MPRIP: variants seen among roughly 807,000 people sequenced by gnomAD.
MPRIP encodes the protein myosin phosphatase Rho-interacting protein.
In MPRIP, 59 loss-of-function variants were observed where a neutral mutation model predicts 234.9. The observed-to-expected ratio is 0.25, with a 90% CI of 0.20 to 0.31. The LOEUF (loss-of-function observed/expected upper bound fraction) is 0.31, where lower values mean the gene tolerates loss of function less well. MPRIP is among the 10% of genes least tolerant of loss of function. The probability of loss-of-function intolerance (pLI) is 1.00; values close to 1 mark genes in which losing one functional copy is unlikely to be tolerated. For synonymous variants in MPRIP, 1,144 were observed against 1,263.9 expected (o/e 0.91, Z 2.01); for missense variants, 2,436 against 3,071.0 (o/e 0.79, Z 4.89).
chr17:17,189,828 C>A lies in MPRIP; in HGVS notation c.*4934C>A, dbSNP rs2046551507. On this transcript the variant is annotated 3_prime_UTR_variant, in exon 24 of 24. Coordinates refer to ENST00000651222, the MANE Select transcript of MPRIP (RefSeq NM_001364716.4). ...CAGAGACAACGTTTCGTTTCCCCTT[C>A]CCTGCAAGCTGGGATCAGCCCTGTG... The A allele has an allele frequency of 6.6e-6, 1 of 152,270 alleles. No homozygotes were observed. Among genetic ancestry groups the A allele is most frequent in the South Asian group, 2.1e-4 (1 of 4,834 alleles). The allele number at this position is 152,270 out of a possible 1,614,324, so 9.4% of individuals were successfully genotyped here. A position where few individuals can be genotyped will look rare whatever the true frequency, so the allele number is the denominator to read the frequency against.
rs550007995 is a variant in MPRIP at position 17,047,488 on chromosome 17, C to T, written c.123+4517C>T. On this transcript the variant is annotated intron_variant, in intron 1 of 23. Coordinates refer to ENST00000651222, the MANE Select transcript of MPRIP (RefSeq NM_001364716.4). ...ATATTCTTTTATAGCTATTTTTATA[C>T]TTAGCTTTTTAATCTATCAGACTTG... is the stretch of plus-strand genomic sequence containing the variant. 5.9e-5 allele frequency among the ~76,000 whole-genome samples: 9 copies of T among 152,048 alleles called. No homozygotes were observed. In the South Asian group the frequency reaches 1.0e-3, roughly 18 times the overall value.
chr17:17,150,629 T>C (rs1160704218), intron 12 of MPRIP, among the ~76,000 whole-genome samples: 3 of 151,536 alleles, frequency 2.0e-5, no homozygotes, highest in African/African-American at 7.3e-5. Flanking sequence ...TTCATTCATT[T>C]ACTTACAAGG....
chr17:17,057,928 T>A, intron 1 of MPRIP: 1 of 505,196 alleles, frequency 2.0e-6, no homozygotes, highest in Non-Finnish European at 3.5e-6. Context: ...TAAATCTAAA[T>A]AATAAAAATG....
At chr17:17,070,041 G>C (rs1202043861) in intron 1 of MPRIP, among the ~76,000 whole-genome samples, 1 of 152,142 alleles carries the variant, frequency 6.6e-6, no homozygotes, top group Non-Finnish European at 1.5e-5. Flanking sequence ...AGGTTGACAG[G>C]TGTTTTCTTT....
Position 17,137,657 on chromosome 17 carries a change from CCTGCCTGCCAGT to C in MPRIP, c.737-255_737-244del, listed in dbSNP as rs767937278. Among the ~76,000 whole-genome samples the C allele has an allele frequency of 4.5e-3, 678 of 151,412 alleles. 2 individuals are homozygous for C. Among genetic ancestry groups the C allele is most frequent in the Non-Finnish European group, 8.0e-3 (544 of 68,006 alleles). On this transcript the variant is annotated intron_variant, in intron 6 of 23. Transcript: ENST00000651222. ...AAGCCCCCAGACTAGAACTGCAGGG[CCTGCCTGCCAGT>C]CTGGCTGAGAGGCAGCCAGCTGCAG...
At chr17:17,154,648 T>C (rs767747189) in intron 13 of MPRIP, among the ~76,000 whole-genome samples, 7 of 152,228 alleles carry the variant, frequency 4.6e-5, no homozygotes, top group Non-Finnish European at 1.0e-4. Context: ...GCAGGTAGCA[T>C]GTGTGCTGGT....
Position 17,043,041 on chromosome 17 carries a change from A to T in MPRIP, c.123+70A>T, listed in dbSNP as rs570402665. 8.3e-6 allele frequency: 12 copies of T among 1,445,524 alleles called. No individual in the cohort carries two copies. The African/African-American group carries it at 1.6e-4, about 19-fold the overall frequency. The allele number at this position is 1,445,524 out of a possible 1,614,324, so 89.5% of individuals were successfully genotyped here. On this transcript the variant is annotated intron_variant, in intron 1 of 23. Coordinates refer to ENST00000651222, the MANE Select transcript of MPRIP (RefSeq NM_001364716.4). ...CGGGTCGGCGGCCGGGGCGCCGCCA[A>T]GGGCTGCAGGGAAAATAAAAATGGA... is the stretch of plus-strand genomic sequence containing the variant.
intron 1 of MPRIP, among the ~76,000 whole-genome samples, chr17:17,050,238 C>T (rs537633077): frequency 7.4e-4 from 112 of 150,866 alleles, no homozygotes; most frequent in Middle Eastern, 6.8e-3. Flanking sequence ...TGGTGTGAAC[C>T]CGGGAGGCGG....
chr17:17,059,780 C>T (rs1037139320), intron 1 of MPRIP, among the ~76,000 whole-genome samples: 3 of 152,208 alleles, frequency 2.0e-5, no homozygotes, highest in Non-Finnish European at 2.9e-5. Context: ...CCATAGAGAG[C>T]AGCAGAATGT....
chr17:17,175,441 C>T (rs1426798610), intron 20 of MPRIP, 29 bp downstream of exon 20: 2 of 1,573,614 alleles, frequency 1.3e-6, no homozygotes, highest in Non-Finnish European at 8.6e-7. Context: ...CCCTGCCTGA[C>T]TCAGCTCTGC....
At chr17:17,101,305 C>T (rs897289638) in intron 3 of MPRIP, among the ~76,000 whole-genome samples, 6 of 152,254 alleles carry the variant, frequency 3.9e-5, no homozygotes, top group Admixed American at 3.9e-4. Flanking sequence ...GTGGCCCACA[C>T]CTGTAATCCC....
At chr17:17,071,479 C>G (rs953697194) in intron 1 of MPRIP, among the ~76,000 whole-genome samples, 3 of 152,164 alleles carry the variant, frequency 2.0e-5, no homozygotes, top group African/African-American at 7.2e-5. Flanking sequence ...CTCCACCTTT[C>G]AGAGTCTTCT....
chr17:17,174,114 G>C (rs775768042), intron 19 of MPRIP, 39 bp downstream of exon 19: 5 of 1,606,202 alleles, frequency 3.1e-6, no homozygotes, highest in Non-Finnish European at 4.3e-6. Context: ...TTAGTCAGGG[G>C]CACTCAAGGT....
intron 1 of MPRIP, among the ~76,000 whole-genome samples, chr17:17,046,360 A>G (rs1291920686): frequency 6.6e-6 from 1 of 152,148 alleles, no homozygotes; most frequent in East Asian, 1.9e-4. Flanking sequence ...AGTCTTATAA[A>G]TACTTCTGGG....
chr17:17,069,396 G>A (rs1444931697), intron 1 of MPRIP, among the ~76,000 whole-genome samples: 1 of 150,952 alleles, frequency 6.6e-6, no homozygotes, highest in African/African-American at 2.4e-5. Context: ...TTTAATTGGT[G>A]TATTTAGATC....
rs764043253 is a variant in MPRIP, at chr17:17,165,629, A to G, written c.4038A>G (p.Thr1346=). 1.6e-5 allele frequency: 21 copies of G among 1,304,820 alleles called. No homozygotes were observed. Among genetic ancestry groups the G allele is most frequent in the Middle Eastern group, 2.1e-4 (1 of 4,724 alleles). The allele number at this position is 1,304,820 out of a possible 1,614,324, so 80.8% of individuals were successfully genotyped here. A position where few individuals can be genotyped will look rare whatever the true frequency, so the allele number is the denominator to read the frequency against. Residue 1346 remains threonine, a synonymous_variant, in exon 16 of 24, where the codon ACA becomes ACG. Transcript: ENST00000651222. ...EGSEKTWTSS[T]SSDTSQDRSP... The stretch of plus-strand genomic sequence containing the variant: ...CTGAGAAGACCTGGACCAGCAGCAC[A>G]TCTTCCGACACCAGCCAGGACCGGT...
At chr17:17,114,328 A>G (rs1452804018) in intron 3 of MPRIP, among the ~76,000 whole-genome samples, 4 of 152,062 alleles carry the variant, frequency 2.6e-5, no homozygotes, top group East Asian at 3.9e-4. Flanking sequence ...TTTGTCAGAT[A>G]TATGATTTGC....
At chr17:17,074,939 A>G (rs2089292652) in intron 1 of MPRIP, among the ~76,000 whole-genome samples, 5 of 152,290 alleles carry the variant, frequency 3.3e-5, no homozygotes, top group East Asian at 1.9e-4. Context: ...TAATACTGCT[A>G]TGAACATTCA....
At chr17:17,073,104 C>T (rs548925902) in intron 1 of MPRIP, among the ~76,000 whole-genome samples, 1 of 152,296 alleles carries the variant, frequency 6.6e-6, no homozygotes, top group East Asian at 1.9e-4. Context: ...CTTCCGCCGT[C>T]CCAGCCCCAG....
Sources: gnomAD v4.1 joint callset for allele counts (sites outside exome capture counted in the v4.1 genomes callset) on GRCh38, gnomAD v4.1.1 for gene constraint, MANE v1.5 for transcripts, NCBI Gene and HGNC (gene_info 2026-07-23, HGNC 2026-07-21) for gene names.